IFIH1: variants seen among roughly 807,000 people sequenced by gnomAD.
IFIH1 encodes the protein interferon induced with helicase C domain 1, also known as interferon-induced helicase C domain-containing protein 1.
Under a neutral mutation model 107.4 loss-of-function variants are expected in IFIH1, and 125 were observed. The observed-to-expected ratio is 1.16, with a 90% CI of 1.01 to 1.35. The LOEUF is 1.35. Ranked by LOEUF, IFIH1 falls within the 40% of genes most tolerant of loss-of-function variation. The probability of loss-of-function intolerance (pLI) is 0.00; values close to 1 mark genes in which losing one functional copy is unlikely to be tolerated. For synonymous variants in IFIH1, 458 were observed against 413.2 expected (o/e 1.11, Z -1.31); for missense variants, 1,333 against 1,213.7 (o/e 1.10, Z -1.46).
chr2:162,278,817 T>C (rs892607467), intron 8 of IFIH1, among the ~76,000 whole-genome samples: 10 of 152,104 alleles, frequency 6.6e-5, no homozygotes, highest in African/African-American at 2.4e-4. Flanking sequence ...TCAGAATCAG[T>C]GAAAACTCAT....
At chr2:162,287,030 G>A (rs989518526) in intron 5 of IFIH1, among the ~76,000 whole-genome samples, 1 of 151,824 alleles carries the variant, frequency 6.6e-6, no homozygotes, top group Non-Finnish European at 1.5e-5. Context: ...TGTACAAAGG[G>A]AATACATATG....
At chr2:162,297,565 G>A (rs553078641) in intron 3 of IFIH1, among the ~76,000 whole-genome samples, 1 of 152,192 alleles carries the variant, frequency 6.6e-6, no homozygotes, top group East Asian at 1.9e-4. Flanking sequence ...GAAACTCGAA[G>A]AGAAACAAAT....
At chr2:162,306,618 A>G in intron 3 of IFIH1, 91 bp downstream of exon 3, 1 of 860,016 alleles carries the variant, frequency 1.2e-6, no homozygotes, top group South Asian at 2.0e-5. Flanking sequence ...CTTAATGCCC[A>G]CATTTTCTCC....
rs1682710316 is a variant in IFIH1, at chr2:162,277,339, A to T, written c.2044+76T>A. Reference sequence around the variant, plus strand: ...TTTCAAAAGATATTTCTCTTTTTGGAGAGCTTATGAGAAGCAGTAAGTTCA... The same window carrying T: ...TTTCAAAAGATATTTCTCTTTTTGGTGAGCTTATGAGAAGCAGTAAGTTCA... On this transcript the variant is annotated intron_variant, in intron 10 of 15. Coordinates refer to ENST00000649979, the MANE Select transcript of IFIH1 (RefSeq NM_022168.4). 4.9e-6 allele frequency: 5 copies of T among 1,013,032 alleles called. No individual in the cohort carries two copies. In the Admixed American group the frequency reaches 9.3e-5, roughly 19 times the overall value. The allele number at this position is 1,013,032 out of a possible 1,614,324, so 62.8% of individuals were successfully genotyped here.
At chr2:162,269,400 CT>C (rs1465062674) in intron 13 of IFIH1, among the ~76,000 whole-genome samples, 1 of 152,122 alleles carries the variant, frequency 6.6e-6, no homozygotes, top group African/African-American at 2.4e-5. Flanking sequence ...GAGAAAAGGC[CT>C]GGATTCCTCA....
rs1682933154 is a variant in IFIH1, at chr2:162,288,335, T to C, written c.895A>G (p.Arg299Gly). The change falls in exon 5 of 16, where the codon AGA becomes GGA. Residue 299 changes from arginine to glycine, a missense_variant. Transcript: ENST00000649979. ...SDSDEENVAA[R>G]ASPEPELQLR... ...TGGAGTTCTGGCTCCGGGGATGCTC[T>C]TGCTGCCACATTCTCTTCATCTGAA... is the stretch of plus-strand genomic sequence containing the variant. The C allele has an allele frequency of 1.2e-6, 2 of 1,612,318 alleles. No homozygotes were observed. The highest frequency in any genetic ancestry group is 3.3e-5 in the Admixed American group (2 of 59,818).
chr2:162,283,632 G>C (rs1181067215), intron 5 of IFIH1, among the ~76,000 whole-genome samples: 1 of 151,988 alleles, frequency 6.6e-6, no homozygotes, highest in African/African-American at 2.4e-5. Context: ...AATGCAATCA[G>C]TGGTTACCTT....
rs750196605 is a variant in IFIH1, at chr2:162,306,863, T to A, written c.623-8A>T. The A allele has an allele frequency of 1.2e-6, 2 of 1,612,984 alleles. No homozygotes were observed. The highest frequency in any genetic ancestry group is 2.2e-5 in the East Asian group (1 of 44,858). ...GTGATAAATTCTCAATCTCTGTGAA[T>A]AACAGTATTAGAATGCAAATCATAG... is the stretch of plus-strand genomic sequence containing the variant. On this transcript the variant is annotated splice_region_variant and splice_polypyrimidine_tract_variant and intron_variant, in intron 2 of 15. Transcript: ENST00000649979.
In IFIH1 at chr2:162,293,744, G is replaced by A. The variant is rs550014478; in HGVS notation, c.770-76C>T. 8.4e-5 allele frequency: 73 copies of A among 866,694 alleles called. 1 individual carries two copies. In the South Asian group the frequency reaches 1.0e-3, roughly 12 times the overall value. 53.7% of individuals were successfully genotyped at this position (866,694 alleles called of 1,614,324 possible). ...CGTATTTTAACTGCACACCTCTACA[G>A]CACACAGTACATACAGTTCAATTCA... On this transcript the variant is annotated intron_variant, in intron 3 of 15. Coordinates refer to ENST00000649979, the MANE Select transcript of IFIH1 (RefSeq NM_022168.4).
At chr2:162,267,684 T>C in intron 14 of IFIH1, 115 bp from the exon 15 acceptor site, 1 of 746,390 alleles carries the variant, frequency 1.3e-6, no homozygotes, top group Non-Finnish European at 2.3e-6. Flanking sequence ...CTACACGGCA[T>C]TCCTTCCTTC....
intron 1 of IFIH1, among the ~76,000 whole-genome samples, chr2:162,313,771 C>A (rs1421661012): frequency 4.6e-5 from 7 of 152,078 alleles, no homozygotes; most frequent in Non-Finnish European, 1.0e-4. Flanking sequence ...AATGTCTTAA[C>A]CCAATGAATA....
At chr2:162,295,016 A>T (rs1249723994) in intron 3 of IFIH1, among the ~76,000 whole-genome samples, 1 of 152,060 alleles carries the variant, frequency 6.6e-6, no homozygotes, top group Non-Finnish European at 1.5e-5. Context: ...TAATTTACTT[A>T]CTAAAAAGAT....
chr2:162,306,728 T>A lies in IFIH1; in HGVS notation c.750A>T (p.Ala250=). ...AAGTACCTGAAACTACAGAAGAATC[T>A]GCAAAAGATGATTCTGATGAGTTAT... ...MENNSSESSF[A]DSSVVSESDT... Residue 250 remains alanine (A), a synonymous_variant, in exon 3 of 16, where the codon GCA becomes GCT. Transcript: ENST00000649979. 6.2e-7 allele frequency: 1 copy of A among 1,613,882 alleles called. No individual in the cohort carries two copies. Among genetic ancestry groups the A allele is most frequent in the Non-Finnish European group, 8.5e-7 (1 of 1,179,812 alleles).
chr2:162,316,483 A>G (rs994815012), intron 1 of IFIH1, among the ~76,000 whole-genome samples: 9 of 152,240 alleles, frequency 5.9e-5, no homozygotes, highest in Admixed American at 3.3e-4. Context: ...AAAACTGGCC[A>G]TCAAAATTAG....
At chr2:162,314,255 T>A (rs1683430307) in intron 1 of IFIH1, among the ~76,000 whole-genome samples, 1 of 152,142 alleles carries the variant, frequency 6.6e-6, no homozygotes, top group African/African-American at 2.4e-5. Context: ...TAAGGATTGC[T>A]TTATTATAAT....
chr2:162,305,382 C>A (rs1368141113), intron 3 of IFIH1, among the ~76,000 whole-genome samples: 2 of 152,068 alleles, frequency 1.3e-5, no homozygotes, highest in Non-Finnish European at 2.9e-5. Flanking sequence ...CAATCCTGGC[C>A]AACATGGTGA....
In IFIH1 at chr2:162,281,366, C is replaced by G. The variant is rs763096939; in HGVS notation, c.1486G>C (p.Ala496Pro). ...TCTTCAGCTTTGGCTTGCTTCGTGGCCCCTCCAACACCAGGTGAAGCTGTT... is the reference window on the plus strand; with the variant it reads ...TCTTCAGCTTTGGCTTGCTTCGTGGGCCCTCCAACACCAGGTGAAGCTGTT... Reference protein sequence around the residue: ...GLTASPGVGGATKQAKAEEHI... With the variant: ...GLTASPGVGGPTKQAKAEEHI... The change falls in exon 7 of 16, where the codon GCC becomes CCC. Residue 496 changes from alanine to proline, a missense_variant. Transcript: ENST00000649979. 3 of 1,612,464 alleles carry G rather than the reference C, an allele frequency of 1.9e-6. No individual in the cohort carries two copies. Among genetic ancestry groups the G allele is most frequent in the Admixed American group, 1.7e-5 (1 of 59,808 alleles).
rs1682804029 is a variant in IFIH1 at position 162,281,340 on chromosome 2, T to C, written c.1512A>G (p.Glu504=). The C allele has an allele frequency of 1.9e-6, 3 of 1,611,716 alleles. No individual in the cohort carries two copies. The highest frequency in any genetic ancestry group is 1.1e-5 in the South Asian group (1 of 90,950). The change falls in exon 7 of 16, where the codon GAA becomes GAG. Residue 504 remains glutamate (E), a synonymous_variant. Coordinates refer to ENST00000649979, the MANE Select transcript of IFIH1 (RefSeq NM_022168.4). The part of the protein sequence containing the change: ...GGATKQAKAE[E]HILKLCANLD... ...AATTATGACTTACTTTTAAAATGTG[T>C]TCTTCAGCTTTGGCTTGCTTCGTGG...
In IFIH1 at chr2:162,314,365, T is replaced by TC. The variant is rs1396832698; in HGVS notation, c.454-3433dup. On this transcript the variant is annotated intron_variant, in intron 1 of 15. Coordinates refer to ENST00000649979, the MANE Select transcript of IFIH1 (RefSeq NM_022168.4). ...TTCTTTCCTTCCTTCCTTTCTTCCT[T>TC]CCTTCCCTCCCTCCCTCCCTCCCTC... 7.8e-5 allele frequency among the ~76,000 whole-genome samples: 11 copies of TC among 140,634 alleles called. 1 individual carries two copies. Among genetic ancestry groups the TC allele is most frequent in the African/African-American group, 3.3e-4 (11 of 33,076 alleles). 92.3% of individuals were successfully genotyped at this position (140,634 alleles called of 152,430 possible).
Sources: allele counts gnomAD v4.1 joint callset (sites outside exome capture counted in the v4.1 genomes callset), GRCh38; gene constraint gnomAD v4.1.1; transcripts MANE v1.5; gene names NCBI Gene and HGNC (gene_info 2026-07-23, HGNC 2026-07-21).